The following TXNRD3 variants were observed in gnomAD, a reference collection of about 807,000 sequenced individuals.
The protein encoded by TXNRD3 is thioredoxin reductase 3.
TXNRD3 carries 68 observed loss-of-function variants against 78.2 expected under a neutral mutation model. That is an observed-to-expected ratio of 0.87 (90% confidence interval 0.72 to 1.06). TXNRD3 has a LOEUF of 1.06. Among genes scored for constraint, TXNRD3 ranks in the 50% least tolerant of loss-of-function variants. The pLI is 0.00. For missense variants in TXNRD3, 751 were observed against 809.5 expected, an observed-to-expected ratio of 0.93 and a Z score of 0.88; for synonymous variants, 296 against 300.1, an observed-to-expected ratio of 0.99 and a Z score of 0.14.
chr3:126,623,089 T>C (rs1242687162), intron 10 of TXNRD3, among the ~76,000 whole-genome samples: 1 of 152,204 alleles, frequency 6.6e-6, no homozygotes, highest in Non-Finnish European at 1.5e-5. Context: ...TCTGTGGTAC[T>C]CTTCCAGAAC....
intron 1 of TXNRD3, 67 bp from the exon 2 acceptor site, chr3:126,647,363 G>T: frequency 9.2e-7 from 1 of 1,092,258 alleles, no homozygotes; most frequent in Non-Finnish European, 1.3e-6. Context: ...TATGAACATA[G>T]TAATGAGAGA....
chr3:126,631,404 A>G (rs1938711345), intron 8 of TXNRD3, among the ~76,000 whole-genome samples: 2 of 152,046 alleles, frequency 1.3e-5, no homozygotes, highest in African/African-American at 4.8e-5. Flanking sequence ...TGTTAAGAAA[A>G]GTGGTGCTGC....
At chr3:126,632,071 T>C (rs980833490) in intron 7 of TXNRD3, among the ~76,000 whole-genome samples, 192 bp from the exon 8 acceptor site, 22 of 152,046 alleles carry the variant, frequency 1.4e-4, no homozygotes, top group African/African-American at 3.1e-4. Context: ...CAAAGCCCCA[T>C]GGTGAGGGTA....
chr3:126,628,360 A>G (rs1938628307), intron 10 of TXNRD3, among the ~76,000 whole-genome samples: 1 of 152,152 alleles, frequency 6.6e-6, no homozygotes, highest in East Asian at 1.9e-4. Context: ...CAAGAAAAAA[A>G]GAGAAAACCA....
At position 126,646,141 on chromosome 3, in the gene TXNRD3, C is replaced by T; in HGVS notation, c.384G>A (p.Val128=). 3 of 1,533,066 alleles carry T rather than the reference C, an allele frequency of 2.0e-6. No homozygotes were observed. Among genetic ancestry groups the T allele is most frequent in the Non-Finnish European group, 2.6e-6 (3 of 1,145,610 alleles). 95.0% of individuals were successfully genotyped at this position (1,533,066 alleles called of 1,614,324 possible). Residue 128 remains valine, a synonymous_variant, in exon 3 of 16, where the codon GTG becomes GTA. Coordinates refer to ENST00000524230, the MANE Select transcript of TXNRD3 (RefSeq NM_052883.3). Reference sequence around the variant, plus strand: ...AAGTTTGGTCACATCCACCTACATGCACTTTATTCACGAAAATATTGGGCA... The same window carrying T: ...AAGTTTGGTCACATCCACCTACATGTACTTTATTCACGAAAATATTGGGCA...
chr3:126,653,230 A>T (rs919654755), intron 1 of TXNRD3, among the ~76,000 whole-genome samples: 1 of 152,244 alleles, frequency 6.6e-6, no homozygotes, highest in Non-Finnish European at 1.5e-5. Context: ...CCTACAATAA[A>T]ACTGGTTTTG....
chr3:126,608,496 T>G lies in TXNRD3; in HGVS notation c.1863+3A>C. On this transcript the variant is annotated splice_donor_region_variant and intron_variant, in intron 15 of 15. Coordinates refer to ENST00000524230, the MANE Select transcript of TXNRD3 (RefSeq NM_052883.3). ...CCAATTTTTAAAACCTCCTGTTTCC[T>G]ACCTCCCCACATGTGGGGTGAATTC... 2 of 1,526,818 alleles carry G rather than the reference T, an allele frequency of 1.3e-6. No individual in the cohort carries two copies. 94.6% of individuals were successfully genotyped at this position (1,526,818 alleles called of 1,614,324 possible).
intron 6 of TXNRD3, among the ~76,000 whole-genome samples, chr3:126,639,112 C>G (rs541357165): frequency 2.6e-5 from 4 of 152,212 alleles, no homozygotes; most frequent in Non-Finnish European, 4.4e-5. Flanking sequence ...AGGGGCTTCT[C>G]CCCTCTTGGA....
chr3:126,622,018 A>AG (rs1938469273), intron 11 of TXNRD3, 120 bp from the exon 12 acceptor site: 2 of 764,958 alleles, frequency 2.6e-6, no homozygotes, highest in East Asian at 5.9e-5. Flanking sequence ...CACGCACCTC[A>AG]GGATATCAAT....
intron 4 of TXNRD3, 66 bp downstream of exon 4, chr3:126,644,231 A>G (rs1933171214): frequency 3.5e-6 from 5 of 1,410,518 alleles, no homozygotes; most frequent in South Asian, 2.5e-5. Flanking sequence ...TTTTTTAAGT[A>G]GCAGAAGAAA....
chr3:126,644,799 C>T (rs1933188920), intron 3 of TXNRD3, among the ~76,000 whole-genome samples: 1 of 152,216 alleles, frequency 6.6e-6, no homozygotes, highest in African/African-American at 2.4e-5. Context: ...GAAAACAATT[C>T]TTATGCATTA....
intron 10 of TXNRD3, among the ~76,000 whole-genome samples, chr3:126,623,104 A>G (rs1233496389): frequency 6.6e-6 from 1 of 152,208 alleles, no homozygotes; most frequent in Non-Finnish European, 1.5e-5. Context: ...CAGAACTGTG[A>G]GAAAATAAAT....
rs553088070 is a variant in TXNRD3 at position 126,631,886 on chromosome 3, A to C, written c.856-7T>G. ...GTCCTTTTTTATTGGTTGCCTTGAA[A>C]AAAGAGAAGTAAACCTCACTTAGCA... On this transcript the variant is annotated splice_polypyrimidine_tract_variant and splice_region_variant and intron_variant, in intron 7 of 15. Coordinates refer to ENST00000524230, the MANE Select transcript of TXNRD3 (RefSeq NM_052883.3). 11 of 1,527,060 alleles carry C rather than the reference A, an allele frequency of 7.2e-6. No individual in the cohort carries two copies. Among genetic ancestry groups the C allele is most frequent in the Non-Finnish European group, 7.0e-6 (8 of 1,138,576 alleles). The allele number at this position is 1,527,060 out of a possible 1,614,324, so 94.6% of individuals were successfully genotyped here. A position where few individuals can be genotyped will look rare whatever the true frequency, so the allele number is the denominator to read the frequency against.
intron 13 of TXNRD3, among the ~76,000 whole-genome samples, chr3:126,612,048 G>A (rs78859630): frequency 0.022 from 3,379 of 152,158 alleles, 53 homozygotes; most frequent in Non-Finnish European, 0.031. Context: ...TTGTTTGTTT[G>A]TTTGTTTTGA....
intron 10 of TXNRD3, among the ~76,000 whole-genome samples, chr3:126,625,726 C>G (rs1938565948): frequency 6.6e-6 from 1 of 152,272 alleles, no homozygotes. Context: ...TGAGGAATTG[C>G]CACACTGACT....
chr3:126,620,168 GCC>G (rs1938416031), intron 12 of TXNRD3, among the ~76,000 whole-genome samples: 4 of 151,948 alleles, frequency 2.6e-5, no homozygotes, highest in Non-Finnish European at 5.9e-5. Context: ...GGTGGCAGGC[GCC>G]TGTAGTCCCA....
intron 9 of TXNRD3, 107 bp from the exon 10 acceptor site, chr3:126,629,578 G>T (rs1938663768): frequency 2.5e-6 from 2 of 804,490 alleles, no homozygotes; most frequent in African/African-American, 3.5e-5. Context: ...TTTGGTGGTG[G>T]TACATATAAT....
At chr3:126,625,596 A>G (rs185733535) in intron 10 of TXNRD3, among the ~76,000 whole-genome samples, 1 of 152,130 alleles carries the variant, frequency 6.6e-6, no homozygotes. Flanking sequence ...GCTATTGTGA[A>G]TAGTGCTGCA....
chr3:126,611,181 C>T, intron 13 of TXNRD3, 49 bp from the exon 14 acceptor site: 1 of 1,210,502 alleles, frequency 8.3e-7, no homozygotes, highest in Non-Finnish European at 1.1e-6. Flanking sequence ...ATATGGAAAC[C>T]ATTCCTTGAT....
Sources: gnomAD v4.1 joint callset for allele counts (sites outside exome capture counted in the v4.1 genomes callset) on GRCh38, gnomAD v4.1.1 for gene constraint, MANE v1.5 for transcripts, NCBI Gene and HGNC (gene_info 2026-07-23, HGNC 2026-07-21) for gene names.